Variants in CCDC30 observed in about 807,000 individuals in gnomAD.
CCDC30 encodes the protein coiled-coil domain containing 30.
Under a neutral mutation model 100.2 loss-of-function variants are expected in CCDC30, and 70 were observed. That is an observed-to-expected ratio of 0.70 (90% CI 0.58 to 0.85). The LOEUF is 0.85. Ranked by LOEUF, CCDC30 falls within the 40% of genes least tolerant of loss-of-function variation. The probability of loss-of-function intolerance (pLI) is 0.00; values close to 1 mark genes in which losing one functional copy is unlikely to be tolerated. For missense variants in CCDC30, 652 were observed against 771.2 expected (o/e 0.85, Z 1.83); for synonymous variants, 233 against 269.5 (o/e 0.86, Z 1.33).
At chr1:42,569,168 GA>G (rs1557862368) in intron 7 of CCDC30, 1 of 152,096 alleles carries the variant, frequency 6.6e-6, no homozygotes, top group Non-Finnish European at 1.5e-5. Flanking sequence ...CACAGCAAAA[GA>G]AACTATCATC....
At chr1:42,646,094 C>A in intron 14 of CCDC30, 41 bp from the exon 19 acceptor site, 1 of 1,528,442 alleles carries the variant, frequency 6.5e-7, no homozygotes. Flanking sequence ...CATCTTGATA[C>A]CTATTGAAAT....
chr1:42,641,207 C>T (rs1647358304), intron 12 of CCDC30, among the ~76,000 whole-genome samples: 1 of 149,050 alleles, frequency 6.7e-6, no homozygotes, highest in Non-Finnish European at 1.5e-5. Flanking sequence ...GAACTCCACA[C>T]ATGGCTTTTG....
chr1:42,624,189 G>C (rs1646890716), intron 11 of CCDC30, among the ~76,000 whole-genome samples: 1 of 152,044 alleles, frequency 6.6e-6, no homozygotes, highest in Non-Finnish European at 1.5e-5. Context: ...AGAATAATTT[G>C]ACTTCTTATA....
the CCDC30 span, chr1:42,456,818 C>G: frequency 6.2e-6 from 10 of 1,613,314 alleles, no homozygotes; most frequent in Non-Finnish European, 7.6e-6. Context: ...GTTCTTGTAT[C>G]GCGCTCGCTC....
At chr1:42,487,394 G>T (rs1644069870) in intron 3 of CCDC30, among the ~76,000 whole-genome samples, 1 of 152,148 alleles carries the variant, frequency 6.6e-6, no homozygotes, top group African/African-American at 2.4e-5. Flanking sequence ...TGGCCTCCAA[G>T]AGCCCCACCC....
chr1:42,637,173 T>C (rs16829822), intron 11 of CCDC30, 64 bp from the exon 16 acceptor site: 200,181 of 1,330,806 alleles, frequency 0.15, 16,571 homozygotes, highest in South Asian at 0.27. Context: ...AAGGTGCATA[T>C]TGAGGATGCA....
intron 7 of CCDC30, among the ~76,000 whole-genome samples, chr1:42,571,932 T>A (rs12034424): frequency 0.4 from 60,534 of 152,086 alleles, 12,680 homozygotes; most frequent in East Asian, 0.59. Context: ...GTCAATGAAT[T>A]TCAGATTCTT....
chr1:42,656,428 C>G (rs1368850069), downstream of CCDC30, among the ~76,000 whole-genome samples: 1 of 152,118 alleles, frequency 6.6e-6, no homozygotes, highest in Admixed American at 6.5e-5. Context: ...GCCAGGAGTT[C>G]AAGACCAGCC....
intron 5 of CCDC30, among the ~76,000 whole-genome samples, chr1:42,497,728 T>G (rs1282643760): frequency 6.6e-6 from 1 of 152,208 alleles, no homozygotes; most frequent in Non-Finnish European, 1.5e-5. Flanking sequence ...TTTAGAAATT[T>G]TTTTGCAAGA....
chr1:42,632,152 G>A (rs941848229), intron 11 of CCDC30, among the ~76,000 whole-genome samples: 1 of 152,120 alleles, frequency 6.6e-6, no homozygotes, highest in Non-Finnish European at 1.5e-5. Flanking sequence ...ATCGCTGCTG[G>A]TTACTCAGGG....
chr1:42,627,957 C>G (rs139391416), intron 11 of CCDC30, among the ~76,000 whole-genome samples: 12,899 of 152,226 alleles, frequency 0.085, 638 homozygotes, highest in South Asian at 0.15. Context: ...AGAAGAGGGC[C>G]ACCATCCTCC....
intron 10 of CCDC30, among the ~76,000 whole-genome samples, chr1:42,610,587 C>CA (rs1646599439): frequency 6.6e-6 from 1 of 152,016 alleles, no homozygotes. Context: ...CCACACCTGG[C>CA]AAATTTTTAT....
At chr1:42,562,699 A>G (rs1488931421) in intron 6 of CCDC30, among the ~76,000 whole-genome samples, 1 of 152,236 alleles carries the variant, frequency 6.6e-6, no homozygotes, top group Non-Finnish European at 1.5e-5. Context: ...AAATTTTGCC[A>G]TCTACCTATC....
intron 6 of CCDC30, among the ~76,000 whole-genome samples, chr1:42,499,333 T>C (rs1159301853): frequency 6.6e-6 from 1 of 152,084 alleles, no homozygotes; most frequent in Non-Finnish European, 1.5e-5. Flanking sequence ...TAAATAGTGG[T>C]TTTAATTTGC....
At chr1:42,566,377 A>G (rs556794367) in exon 7 of CCDC30, 2 of 1,613,928 alleles carry the variant, frequency 1.2e-6, no homozygotes, top group African/African-American at 2.7e-5. Flanking sequence ...CCGGCTCCAG[A>G]TTCTATGCAA....
intron 6 of CCDC30, among the ~76,000 whole-genome samples, chr1:42,507,509 A>G (rs934050062): frequency 6.6e-5 from 10 of 152,220 alleles, no homozygotes; most frequent in Non-Finnish European, 1.5e-4. Flanking sequence ...CTAATTTAAG[A>G]CAATTCTTTA....
intron 3 of CCDC30, 66 bp from the exon 4 acceptor site, chr1:42,490,092 C>CA: frequency 3.6e-6 from 2 of 547,976 alleles, no homozygotes; most frequent in Non-Finnish European, 5.4e-6. Flanking sequence ...GAGAGAGAGT[C>CA]ATTTGAAATT....
chr1:42,646,040 A>G, intron 14 of CCDC30, 95 bp from the exon 19 acceptor site: 2 of 1,461,060 alleles, frequency 1.4e-6, no homozygotes, highest in Non-Finnish European at 1.8e-6. Context: ...ACTATAGCAC[A>G]TCAAACTCAA....
chr1:42,513,870 A>G (rs1045910016), intron 6 of CCDC30, among the ~76,000 whole-genome samples: 1 of 152,186 alleles, frequency 6.6e-6, no homozygotes, highest in Non-Finnish European at 1.5e-5. Flanking sequence ...GGCCTTAGGA[A>G]GCTTACAGTC....
Sources: gnomAD v4.1 joint callset for allele counts (sites outside exome capture counted in the v4.1 genomes callset) on GRCh38, gnomAD v4.1.1 for gene constraint, MANE v1.5 for transcripts, NCBI Gene and HGNC (gene_info 2026-07-23, HGNC 2026-07-21) for gene names.